Variants in WWTR1 observed in about 807,000 individuals in gnomAD.
WWTR1 encodes the protein WW domain-containing transcription regulator protein 1.
A neutral mutation model predicts 40.1 loss-of-function variants in WWTR1; 13 were observed. The observed-to-expected ratio is 0.32, with a 90% CI of 0.21 to 0.52. The LOEUF is 0.52. Among genes scored for constraint, WWTR1 ranks in the 20% least tolerant of loss-of-function variants. The pLI is 0.97. For missense variants in WWTR1, 436 were observed against 523.1 expected (o/e 0.83, Z 1.63); for synonymous variants, 230 against 210.1 (o/e 1.09, Z -0.82).
chr3:149,628,240 G>A (rs182702089), intron 2 of WWTR1, among the ~76,000 whole-genome samples: 11 of 150,614 alleles, frequency 7.3e-5, no homozygotes, highest in South Asian at 6.3e-4. Context: ...CGTGGTGGCG[G>A]GCGCCTGTAG....
At chr3:149,679,176 A>G (rs1473539542) in intron 1 of WWTR1, among the ~76,000 whole-genome samples, 1 of 151,834 alleles carries the variant, frequency 6.6e-6, no homozygotes, top group Non-Finnish European at 1.5e-5. Context: ...GAATATTTCA[A>G]CTGCAATCAG....
chr3:149,590,025 A>G (rs1315241362), intron 2 of WWTR1, among the ~76,000 whole-genome samples: 1 of 152,188 alleles, frequency 6.6e-6, no homozygotes, highest in Non-Finnish European at 1.5e-5. Flanking sequence ...TTCTCAATTC[A>G]TTCCTGTTGA....
intron 2 of WWTR1, among the ~76,000 whole-genome samples, chr3:149,609,565 A>T (rs1739639839): frequency 6.6e-6 from 1 of 152,202 alleles, no homozygotes; most frequent in African/African-American, 2.4e-5. Context: ...AGCTACTCTC[A>T]TTTGTTTCTA....
chr3:149,651,893 G>A (rs1005646599), intron 2 of WWTR1, among the ~76,000 whole-genome samples: 1 of 146,878 alleles, frequency 6.8e-6, no homozygotes, highest in Non-Finnish European at 1.5e-5. Flanking sequence ...GCAGTGGCGC[G>A]ATCTCGGCTC....
intron 2 of WWTR1, among the ~76,000 whole-genome samples, chr3:149,603,443 T>A (rs1035793727): frequency 1.3e-5 from 2 of 152,126 alleles, no homozygotes; most frequent in Non-Finnish European, 2.9e-5. Flanking sequence ...ACAAGGGGAA[T>A]TACATAGTCA....
chr3:149,647,806 C>T (rs1279383125), intron 2 of WWTR1, among the ~76,000 whole-genome samples: 3 of 152,272 alleles, frequency 2.0e-5, no homozygotes, highest in East Asian at 1.9e-4. Context: ...TGGGGTCTTA[C>T]GCTACAGTCA....
At chr3:149,535,477 A>T (rs1180196850) in intron 4 of WWTR1, among the ~76,000 whole-genome samples, 1 of 152,110 alleles carries the variant, frequency 6.6e-6, no homozygotes, top group Non-Finnish European at 1.5e-5. Context: ...TTTTTGAAAC[A>T]ACTCATCACT....
chr3:149,533,507 C>T (rs1322630375), intron 4 of WWTR1, among the ~76,000 whole-genome samples: 1 of 152,182 alleles, frequency 6.6e-6, no homozygotes, highest in Non-Finnish European at 1.5e-5. Flanking sequence ...CGATGAAGGG[C>T]TTTCTAGTTA....
At chr3:149,708,953 C>T (rs554651979) in intron 5 of WWTR1, among the ~76,000 whole-genome samples, 3 of 152,206 alleles carry the variant, frequency 2.0e-5, no homozygotes, top group Admixed American at 6.5e-5. Context: ...GTTCCAGTTT[C>T]TTCACAACCT....
chr3:149,529,652 G>T (rs1735477421), intron 4 of WWTR1, among the ~76,000 whole-genome samples: 1 of 152,112 alleles, frequency 6.6e-6, no homozygotes, highest in African/African-American at 2.4e-5. Context: ...TTTTCTGATA[G>T]TTGTTTTTAA....
chr3:149,593,536 C>G (rs1738836069), intron 2 of WWTR1, among the ~76,000 whole-genome samples: 1 of 152,208 alleles, frequency 6.6e-6, no homozygotes, highest in Non-Finnish European at 1.5e-5. Flanking sequence ...CCTGATTCCA[C>G]TTCGACACTG....
intron 4 of WWTR1, among the ~76,000 whole-genome samples, chr3:149,722,053 T>C (rs550963290): frequency 6.6e-6 from 1 of 152,326 alleles, no homozygotes; most frequent in Admixed American, 6.5e-5. Context: ...AAAATCCTTT[T>C]TATTTCTGTA....
At chr3:149,574,795 TAAAA>T (rs35224415) in intron 2 of WWTR1, among the ~76,000 whole-genome samples, 3 of 126,524 alleles carry the variant, frequency 2.4e-5, no homozygotes, top group South Asian at 2.8e-4. Context: ...TAAATGTGAT[TAAAA>T]AAAAAAAAAA....
intron 1 of WWTR1, among the ~76,000 whole-genome samples, chr3:149,694,069 G>A (rs1182474412): frequency 1.3e-5 from 2 of 152,166 alleles, no homozygotes; most frequent in East Asian, 3.9e-4. Context: ...AAGCGAAGTG[G>A]GAGAAAATAT....
chr3:149,688,837 C>T (rs182083195), intron 1 of WWTR1, among the ~76,000 whole-genome samples: 2 of 152,054 alleles, frequency 1.3e-5, no homozygotes, highest in South Asian at 2.1e-4. Flanking sequence ...CCGAGACATG[C>T]GACCTTTTAG....
At chr3:149,559,293 C>CAAAAAAAA (rs57470539) in intron 3 of WWTR1, among the ~76,000 whole-genome samples, 10 of 58,070 alleles carry the variant, frequency 1.7e-4, no homozygotes, top group African/African-American at 2.0e-4. Flanking sequence ...GACTCCATCT[C>CAAAAAAAA]AAAAAAAAAA....
intron 1 of WWTR1, among the ~76,000 whole-genome samples, chr3:149,695,794 A>AAAAAAT (rs1553735126): frequency 7.1e-6 from 1 of 140,756 alleles, no homozygotes; most frequent in East Asian, 2.1e-4. Context: ...AAAAGAAAAA[A>AAAAAAT]ATATATATAT....
intron 2 of WWTR1, among the ~76,000 whole-genome samples, chr3:149,612,716 T>G (rs1260254243): frequency 5.3e-5 from 8 of 152,182 alleles, no homozygotes; most frequent in African/African-American, 1.7e-4. Context: ...GCAATTAGCA[T>G]GGAAAATAGG....
intron 2 of WWTR1, among the ~76,000 whole-genome samples, chr3:149,638,792 T>C (rs1711988546): frequency 1.3e-5 from 2 of 152,188 alleles, no homozygotes; most frequent in South Asian, 4.1e-4. Context: ...TCTTGTCCTG[T>C]AATAACCCCC....
Sources: allele counts gnomAD v4.1 joint callset (sites outside exome capture counted in the v4.1 genomes callset), GRCh38; gene constraint gnomAD v4.1.1; transcripts MANE v1.5; gene names NCBI Gene and HGNC (gene_info 2026-07-23, HGNC 2026-07-21).